Variants in NAPB observed in about 807,000 individuals in gnomAD.
The protein encoded by NAPB is beta-soluble NSF attachment protein.
Under a neutral mutation model 44.7 loss-of-function variants are expected in NAPB, and 26 were observed. The observed-to-expected ratio is 0.58, with a 90% CI of 0.43 to 0.81. The LOEUF (loss-of-function observed/expected upper bound fraction) is 0.81, where lower values mean the gene tolerates loss of function less well. NAPB is among the 30% of genes least tolerant of loss of function. NAPB has a pLI of 0.00. For missense variants in NAPB, 315 were observed against 356.4 expected (o/e 0.88, Z 0.94); for synonymous variants, 120 against 116.8 (o/e 1.03, Z -0.18).
At chr20:23,379,731 C>T (rs1366541615) in intron 9 of NAPB, 136 bp downstream of exon 9, 1 of 714,394 alleles carries the variant, frequency 1.4e-6, no homozygotes, top group Non-Finnish European at 2.4e-6. Flanking sequence ...ACCTATAATA[C>T]GAAAGCAGGA....
chr20:23,375,673 C>G lies in NAPB; in HGVS notation c.*1703G>C, dbSNP rs56303987. ...CAGAACTTGGAAGGAAGGAGGAAAT[C>G]CACATTAAATTCTAGGGCCCAACAG... On this transcript the variant is annotated 3_prime_UTR_variant, in exon 11 of 11. Coordinates refer to ENST00000377026, the MANE Select transcript of NAPB (RefSeq NM_022080.3). 6.6e-6 allele frequency: 1 copy of G among 152,302 alleles called. No homozygotes were observed. Among genetic ancestry groups the G allele is most frequent in the Non-Finnish European group, 1.5e-5 (1 of 68,056 alleles). 9.4% of individuals were successfully genotyped at this position (152,302 alleles called of 1,614,324 possible). A position where few individuals can be genotyped will look rare whatever the true frequency, so the allele number is the denominator to read the frequency against.
chr20:23,405,307 C>A (rs374269197), intron 1 of NAPB, among the ~76,000 whole-genome samples: 3 of 143,534 alleles, frequency 2.1e-5, no homozygotes, highest in African/African-American at 5.0e-5. Flanking sequence ...GAGAGAGAGA[C>A]AGAGAAAGAG....
At chr20:23,390,052 G>C (rs202108618) in intron 6 of NAPB, 22 bp from the exon 7 acceptor site, 25 of 1,612,220 alleles carry the variant, frequency 1.6e-5, no homozygotes, top group Non-Finnish European at 2.1e-5. Flanking sequence ...AACCAAAGCA[G>C]AGTGAGTAAC....
At chr20:23,398,225 G>C (rs980447119) in intron 2 of NAPB, among the ~76,000 whole-genome samples, 2 of 152,162 alleles carry the variant, frequency 1.3e-5, no homozygotes, top group Admixed American at 1.3e-4. Context: ...AGCAGAAATG[G>C]AGAGGAAAGA....
At chr20:23,383,364 GAA>G (rs2123141861) in intron 7 of NAPB, among the ~76,000 whole-genome samples, 1 of 152,134 alleles carries the variant, frequency 6.6e-6, no homozygotes, top group East Asian at 1.9e-4. Context: ...AGTGTCTAGA[GAA>G]TAACACCTTT....
At chr20:23,394,778 T>C in intron 5 of NAPB, 144 bp downstream of exon 5, 1 of 689,438 alleles carries the variant, frequency 1.5e-6, no homozygotes. Context: ...CTTAGCCAGC[T>C]AGTAGACTTT....
At chr20:23,389,872 A>T (rs1255959917) in intron 7 of NAPB, 74 bp downstream of exon 7, 2 of 1,318,052 alleles carry the variant, frequency 1.5e-6, no homozygotes, top group Non-Finnish European at 2.2e-6. Flanking sequence ...ATCTCAATAA[A>T]CAGAAAAATA....
At chr20:23,390,182 A>C (rs371991227) in intron 6 of NAPB, 27 bp downstream of exon 6, 20 of 1,577,654 alleles carry the variant, frequency 1.3e-5, no homozygotes, top group Admixed American at 3.3e-5. Context: ...AAACCCATTA[A>C]ATCATATTAA....
At chr20:23,415,412 G>A (rs1356834653) in intron 1 of NAPB, among the ~76,000 whole-genome samples, 1 of 152,046 alleles carries the variant, frequency 6.6e-6, no homozygotes, top group Non-Finnish European at 1.5e-5. Context: ...TGGCCAACAT[G>A]GTGAAACCCT....
intron 1 of NAPB, among the ~76,000 whole-genome samples, chr20:23,408,921 AG>A (rs1372330816): frequency 6.6e-6 from 1 of 152,232 alleles, no homozygotes; most frequent in Non-Finnish European, 1.5e-5. Context: ...TTTTTTAAAA[AG>A]GTAGGAGGGA....
intron 1 of NAPB, 35 bp downstream of exon 1, chr20:23,421,266 GACCC>G (rs1217338242): frequency 8.1e-7 from 1 of 1,239,454 alleles, no homozygotes; most frequent in Non-Finnish European, 1.1e-6. Flanking sequence ...CAAGTACGGA[GACCC>G]CCCCCCCCCA....
intron 1 of NAPB, among the ~76,000 whole-genome samples, chr20:23,418,610 T>C (rs1046129617): frequency 6.6e-6 from 1 of 152,152 alleles, no homozygotes; most frequent in Non-Finnish European, 1.5e-5. Flanking sequence ...GGTACATTAA[T>C]GGTTAAAGCT....
chr20:23,381,496 CATGA>C (rs1314489664), intron 7 of NAPB, among the ~76,000 whole-genome samples, 179 bp from the exon 8 acceptor site: 1 of 152,170 alleles, frequency 6.6e-6, no homozygotes, highest in Non-Finnish European at 1.5e-5. Flanking sequence ...CCATTAAATA[CATGA>C]AGTCTTAACC....
chr20:23,389,181 T>C (rs1600570135), intron 7 of NAPB, among the ~76,000 whole-genome samples: 1 of 106,822 alleles, frequency 9.4e-6, no homozygotes, highest in Admixed American at 1.1e-4. Flanking sequence ...GAAATAACAA[T>C]CAAAAACAGA....
intron 1 of NAPB, 142 bp downstream of exon 1, chr20:23,421,163 A>G: frequency 1.6e-6 from 1 of 613,894 alleles, no homozygotes; most frequent in East Asian, 3.4e-5. Flanking sequence ...GGATTTCTGG[A>G]GGGCGCCTGC....
At chr20:23,402,219 T>C (rs61024391) in intron 2 of NAPB, among the ~76,000 whole-genome samples, 13,821 of 152,198 alleles carry the variant, frequency 0.091, 1,018 homozygotes, top group African/African-American at 0.2. Flanking sequence ...CGAGTCCCAC[T>C]TCCAATCCCA....
At chr20:23,397,019 C>T in intron 3 of NAPB, 53 bp downstream of exon 3, 7 of 1,569,802 alleles carry the variant, frequency 4.5e-6, no homozygotes, top group Non-Finnish European at 5.2e-6. Flanking sequence ...GAGGGAAGTA[C>T]TGACTGGTTA....
intron 7 of NAPB, among the ~76,000 whole-genome samples, chr20:23,382,609 A>G (rs1213620427): frequency 6.6e-6 from 1 of 152,130 alleles, no homozygotes; most frequent in East Asian, 1.9e-4. Context: ...AGGAAGCCAC[A>G]GGAAAAAAGA....
intron 7 of NAPB, among the ~76,000 whole-genome samples, chr20:23,386,140 T>C (rs1568605761): frequency 6.6e-6 from 1 of 152,004 alleles, no homozygotes; most frequent in Non-Finnish European, 1.5e-5. Context: ...AAAAGTATAA[T>C]GATATAATAA....
Sources: gnomAD v4.1 joint callset for allele counts (sites outside exome capture counted in the v4.1 genomes callset) on GRCh38, gnomAD v4.1.1 for gene constraint, MANE v1.5 for transcripts, NCBI Gene and HGNC (gene_info 2026-07-23, HGNC 2026-07-21) for gene names.